Variants in NRG3 observed in about 807,000 individuals in gnomAD.
NRG3 encodes neuregulin 3, also known as pro-neuregulin-3, membrane-bound isoform.
A neutral mutation model predicts 66.9 loss-of-function variants in NRG3; 31 were observed. The ratio of observed to expected loss-of-function variants is 0.46; its 90% confidence interval spans 0.35 to 0.63. The LOEUF is 0.63. Ranked by LOEUF, NRG3 falls within the 20% of genes least tolerant of loss-of-function variation. The pLI is 0.00. For synonymous variants in NRG3, 393 were observed against 359.4 expected, an observed-to-expected ratio of 1.09 and a Z score of -1.06; for missense variants, 910 against 878.9, an observed-to-expected ratio of 1.04 and a Z score of -0.45.
intron 1 of NRG3, among the ~76,000 whole-genome samples, chr10:81,950,021 GA>G (rs1482673851): frequency 6.6e-6 from 1 of 152,130 alleles, no homozygotes; most frequent in Non-Finnish European, 1.5e-5. Flanking sequence ...AAATTAACCA[GA>G]AGCCCTCCTG....
At chr10:82,823,131 A>G (rs2062026534) in intron 3 of NRG3, among the ~76,000 whole-genome samples, 1 of 152,008 alleles carries the variant, frequency 6.6e-6, no homozygotes, top group Non-Finnish European at 1.5e-5. Flanking sequence ...ACTCCAGGTT[A>G]TTTTTCTCCT....
At chr10:82,493,282 G>A (rs868507867) in intron 2 of NRG3, among the ~76,000 whole-genome samples, 2 of 151,978 alleles carry the variant, frequency 1.3e-5, no homozygotes, top group African/African-American at 2.4e-5. Flanking sequence ...TCCCTACCCT[G>A]ACCTAACCCC....
At chr10:82,943,826 A>T (rs1342741100) in intron 4 of NRG3, among the ~76,000 whole-genome samples, 1 of 152,214 alleles carries the variant, frequency 6.6e-6, no homozygotes, top group East Asian at 1.9e-4. Context: ...GAAAAATTTT[A>T]AAATATAGAA....
chr10:81,882,736 C>T (rs1415437801), intron 1 of NRG3, among the ~76,000 whole-genome samples: 1 of 152,086 alleles, frequency 6.6e-6, no homozygotes, highest in Non-Finnish European at 1.5e-5. Flanking sequence ...GGTTTGTTAC[C>T]TAGCTTGAGG....
chr10:81,910,349 G>A (rs1401207488), intron 1 of NRG3, among the ~76,000 whole-genome samples: 3 of 152,142 alleles, frequency 2.0e-5, no homozygotes, highest in Non-Finnish European at 4.4e-5. Flanking sequence ...TCCCTTTGAC[G>A]GTGGGAACAT....
At chr10:82,357,324 G>T (rs527716922) in intron 1 of NRG3, among the ~76,000 whole-genome samples, 3 of 152,316 alleles carry the variant, frequency 2.0e-5, no homozygotes, top group South Asian at 2.1e-4. Context: ...AGATGTGGGA[G>T]AGACAGGGGT....
chr10:82,680,758 A>T (rs2054052882), intron 2 of NRG3, among the ~76,000 whole-genome samples: 1 of 152,228 alleles, frequency 6.6e-6, no homozygotes. Flanking sequence ...TTTGCTGCAG[A>T]CACATAATAA....
At chr10:82,656,221 T>A (rs1185419724) in intron 2 of NRG3, among the ~76,000 whole-genome samples, 1 of 151,836 alleles carries the variant, frequency 6.6e-6, no homozygotes, top group South Asian at 2.1e-4. Context: ...AATTGAGCAA[T>A]ATATTGAAAA....
At position 81,930,384 on chromosome 10, in the gene NRG3, T is replaced by A. The variant is rs117531230; in HGVS notation, c.823+54221T>A. On this transcript the variant is annotated intron_variant, in intron 1 of 8. Coordinates refer to ENST00000372141, the MANE Select transcript of NRG3 (RefSeq NM_001010848.4). ...TTCAGGAAAGCATTATACTTACAGT[T>A]TTATTGTAGAAGATACAACTCAGGA... Among the ~76,000 whole-genome samples, 1,031 of 152,134 alleles carry A rather than the reference T, an allele frequency of 6.8e-3. 5 individuals carry two copies. Among genetic ancestry groups the A allele is most frequent in the Middle Eastern group, 0.024 (7 of 292 alleles).
chr10:81,985,609 G>T (rs2060490782), intron 1 of NRG3, among the ~76,000 whole-genome samples: 4 of 152,222 alleles, frequency 2.6e-5, no homozygotes, highest in Admixed American at 2.0e-4. Flanking sequence ...TACCTTTGGG[G>T]ATATAATTGA....
intron 1 of NRG3, among the ~76,000 whole-genome samples, chr10:82,276,554 G>T (rs1226676896): frequency 6.6e-6 from 1 of 151,940 alleles, no homozygotes. Context: ...ATGAAACACA[G>T]AATTAAATAA....
At chr10:81,988,559 A>G (rs1253645409) in intron 1 of NRG3, among the ~76,000 whole-genome samples, 1 of 152,166 alleles carries the variant, frequency 6.6e-6, no homozygotes, top group Non-Finnish European at 1.5e-5. Flanking sequence ...TGGGATATCA[A>G]TCCAATACAT....
chr10:82,810,702 GT>G (rs2061454781), intron 3 of NRG3, among the ~76,000 whole-genome samples: 1 of 147,070 alleles, frequency 6.8e-6, no homozygotes, highest in African/African-American at 2.5e-5. Context: ...GACGGAAGTT[GT>G]GGTGAGCCAA....
Position 82,263,088 on chromosome 10 carries a change from T to C in NRG3, c.824-95651T>C, listed in dbSNP as rs191314337. 2.0e-5 allele frequency among the ~76,000 whole-genome samples: 3 copies of C among 152,368 alleles called. No individual in the cohort carries two copies. The East Asian group carries it at 5.8e-4, about 29-fold the overall frequency. ...TTAAAAGTGACACTAGAACAACGTTTGTCTTGTTAATGTCTGTAAGATGGT... is the reference window on the plus strand; with the variant it reads ...TTAAAAGTGACACTAGAACAACGTTCGTCTTGTTAATGTCTGTAAGATGGT... On this transcript the variant is annotated intron_variant, in intron 1 of 8. Coordinates refer to ENST00000372141, the MANE Select transcript of NRG3 (RefSeq NM_001010848.4).
At chr10:82,951,653 C>A in intron 5 of NRG3, 82 bp downstream of exon 5, 2 of 1,175,162 alleles carry the variant, frequency 1.7e-6, no homozygotes, top group South Asian at 1.3e-5. Context: ...GTCTGTGTGC[C>A]ACACAGAGGG....
intron 4 of NRG3, among the ~76,000 whole-genome samples, chr10:82,923,278 A>G (rs1229308551): frequency 6.6e-6 from 1 of 152,074 alleles, no homozygotes; most frequent in Non-Finnish European, 1.5e-5. Context: ...TCCTCTCTCC[A>G]CTTACCAACT....
intron 1 of NRG3, among the ~76,000 whole-genome samples, chr10:82,148,950 A>AG (rs1301667577): frequency 6.6e-6 from 1 of 152,000 alleles, no homozygotes; most frequent in Non-Finnish European, 1.5e-5. Flanking sequence ...GAACCACCAC[A>AG]GGTGGGGGTG....
chr10:82,924,051 T>A (rs535356025), intron 4 of NRG3, among the ~76,000 whole-genome samples: 1 of 133,616 alleles, frequency 7.5e-6, no homozygotes, highest in East Asian at 2.2e-4. Context: ...ATCATGCCAG[T>A]GTACTCCAGC....
At chr10:82,618,451 A>G (rs985862243) in intron 2 of NRG3, among the ~76,000 whole-genome samples, 3 of 152,282 alleles carry the variant, frequency 2.0e-5, no homozygotes, top group African/African-American at 7.2e-5. Flanking sequence ...TTCATTAGGA[A>G]AGAGTGTACC....
Sources: allele counts gnomAD v4.1 joint callset (sites outside exome capture counted in the v4.1 genomes callset), GRCh38; gene constraint gnomAD v4.1.1; transcripts MANE v1.5; gene names NCBI Gene and HGNC (gene_info 2026-07-23, HGNC 2026-07-21).